Variants in PSMA1 observed in about 807,000 individuals in gnomAD.
PSMA1 encodes the protein proteasome subunit alpha type-1.
In PSMA1, 3 loss-of-function variants were observed where a neutral mutation model predicts 38.4. The observed-to-expected ratio is 0.08, with a 90% CI of 0.04 to 0.20. PSMA1 has a LOEUF of 0.20. Among genes scored for constraint, PSMA1 ranks in the 10% least tolerant of loss-of-function variants. PSMA1 has a pLI of 1.00. For synonymous variants in PSMA1, 101 were observed against 107.1 expected (o/e 0.94, Z 0.35); for missense variants, 227 against 325.3 (o/e 0.70, Z 2.32).
At chr11:14,631,316 T>C (rs994761038) in intron 1 of PSMA1, among the ~76,000 whole-genome samples, 7 of 152,192 alleles carry the variant, frequency 4.6e-5, no homozygotes, top group Middle Eastern at 3.2e-3. Context: ...GCAATAAATT[T>C]CCCTCTACAC....
intron 2 of PSMA1, among the ~76,000 whole-genome samples, chr11:14,537,707 T>C (rs914287884): frequency 4.9e-5 from 7 of 143,592 alleles, no homozygotes; most frequent in Non-Finnish European, 1.1e-4. Flanking sequence ...GTGGTAAAAT[T>C]ACCCTTTTTT....
intron 2 of PSMA1, among the ~76,000 whole-genome samples, chr11:14,557,522 G>A (rs751383162): frequency 3.3e-5 from 5 of 152,228 alleles, no homozygotes; most frequent in African/African-American, 9.6e-5. Flanking sequence ...GATTACAGGC[G>A]TGAGCCAACG....
intron 1 of PSMA1, among the ~76,000 whole-genome samples, chr11:14,614,470 C>T (rs563219883): frequency 4.5e-4 from 69 of 152,120 alleles, no homozygotes; most frequent in African/African-American, 1.6e-3. Context: ...CTCTTCAGAG[C>T]CTGGCCTTCT....
chr11:14,521,298 CAATAAT>C (rs1225881734), upstream of PSMA1, among the ~76,000 whole-genome samples: 11 of 135,964 alleles, frequency 8.1e-5, no homozygotes, highest in African/African-American at 1.7e-4. Flanking sequence ...CTCGTCGCTA[CAATAAT>C]AATAAGAATA....
At chr11:14,569,924 T>C (rs1253748359) in intron 2 of PSMA1, among the ~76,000 whole-genome samples, 3 of 152,376 alleles carry the variant, frequency 2.0e-5, no homozygotes, top group Middle Eastern at 3.4e-3. Context: ...AGTGGGTCCC[T>C]GACCCCCAAG....
intron 2 of PSMA1, among the ~76,000 whole-genome samples, chr11:14,526,952 A>ACAAAGG (rs1851592718): frequency 6.6e-6 from 1 of 152,040 alleles, no homozygotes; most frequent in Admixed American, 6.5e-5. Context: ...CATTGCCTTA[A>ACAAAGG]CTCGAGCCCT....
At chr11:14,608,590 A>T (rs1443317208) in intron 2 of PSMA1, among the ~76,000 whole-genome samples, 2 of 148,548 alleles carry the variant, frequency 1.3e-5, no homozygotes, top group Non-Finnish European at 3.0e-5. Flanking sequence ...AGGCAAAAAA[A>T]AATTTTATAT....
chr11:14,599,409 C>T (rs903563702), intron 2 of PSMA1, among the ~76,000 whole-genome samples: 1 of 152,118 alleles, frequency 6.6e-6, no homozygotes, highest in African/African-American at 2.4e-5. Flanking sequence ...TCACATAGTC[C>T]CATATTTCTT....
At chr11:14,526,470 G>A (rs1212845599) in intron 2 of PSMA1, among the ~76,000 whole-genome samples, 3 of 152,148 alleles carry the variant, frequency 2.0e-5, no homozygotes, top group African/African-American at 7.2e-5. Context: ...TGGCCATCAT[G>A]TCTCCGTGCA....
intron 2 of PSMA1, among the ~76,000 whole-genome samples, chr11:14,546,148 CTCTT>C (rs1281733263): frequency 8.0e-4 from 118 of 147,044 alleles, no homozygotes; most frequent in African/African-American, 2.6e-3. Flanking sequence ...CTCTCTCTCT[CTCTT>C]TTTTTTTTTT....
At chr11:14,540,682 C>G (rs115984224) in intron 2 of PSMA1, among the ~76,000 whole-genome samples, 2,007 of 152,266 alleles carry the variant, frequency 0.013, 40 homozygotes, top group African/African-American at 0.046. Context: ...CTTAGAAAAT[C>G]TGCAGAAAAG....
chr11:14,587,242 G>A (rs1442712771), intron 2 of PSMA1, among the ~76,000 whole-genome samples: 1 of 152,124 alleles, frequency 6.6e-6, no homozygotes, highest in East Asian at 1.9e-4. Context: ...GGCACCACAG[G>A]AGGACTGGAA....
At chr11:14,621,065 T>G (rs1852837848) in intron 1 of PSMA1, among the ~76,000 whole-genome samples, 1 of 152,240 alleles carries the variant, frequency 6.6e-6, no homozygotes, top group Admixed American at 6.5e-5. Flanking sequence ...GCTGTTACAT[T>G]GACCTATGTC....
intron 2 of PSMA1, among the ~76,000 whole-genome samples, chr11:14,581,038 G>A (rs150506031): frequency 6.6e-6 from 1 of 152,248 alleles, no homozygotes; most frequent in East Asian, 1.9e-4. Context: ...ATGAATCGAG[G>A]GAAAGAGGAC....
At chr11:14,630,522 G>C (rs985854052) in intron 1 of PSMA1, among the ~76,000 whole-genome samples, 1 of 151,822 alleles carries the variant, frequency 6.6e-6, no homozygotes, top group Non-Finnish European at 1.5e-5. Context: ...AGCCCACTTG[G>C]TCATGGTGGA....
At chr11:14,516,204 C>G (rs987090612) in intron 4 of PSMA1, among the ~76,000 whole-genome samples, 6 of 98,866 alleles carry the variant, frequency 6.1e-5, no homozygotes, top group Non-Finnish European at 1.0e-4. Context: ...CGCGAGACTC[C>G]GTCTCAAAAA....
At chr11:14,549,459 T>TGG (rs1179419101) in intron 2 of PSMA1, among the ~76,000 whole-genome samples, 1 of 152,104 alleles carries the variant, frequency 6.6e-6, no homozygotes, top group African/African-American at 2.4e-5. Context: ...CCCAGCACTT[T>TGG]GGGAGGCCAA....
intron 1 of PSMA1, among the ~76,000 whole-genome samples, chr11:14,631,624 GA>G (rs1853012485): frequency 6.6e-6 from 1 of 152,120 alleles, no homozygotes; most frequent in Non-Finnish European, 1.5e-5. Context: ...GTGTGGTGCT[GA>G]AAAAAATGTA....
chr11:14,625,285 C>G (rs1852897304), intron 1 of PSMA1, among the ~76,000 whole-genome samples: 1 of 152,088 alleles, frequency 6.6e-6, no homozygotes, highest in South Asian at 2.1e-4. Flanking sequence ...CCTATCTCTA[C>G]CAAAAATACA....
Sources: gnomAD v4.1 joint callset for allele counts (sites outside exome capture counted in the v4.1 genomes callset) on GRCh38, gnomAD v4.1.1 for gene constraint, MANE v1.5 for transcripts, NCBI Gene and HGNC (gene_info 2026-07-23, HGNC 2026-07-21) for gene names.